PCDH19: variants seen among roughly 807,000 people sequenced by gnomAD.
PCDH19 encodes protocadherin-19.
Under a neutral mutation model 46.2 loss-of-function variants are expected in PCDH19, and 6 were observed. That is an observed-to-expected ratio of 0.13 (90% confidence interval 0.07 to 0.26). The LOEUF is 0.26. Ranked by LOEUF, PCDH19 falls within the 10% of genes least tolerant of loss-of-function variation. The probability of loss-of-function intolerance (pLI) is 1.00; values close to 1 mark genes in which losing one functional copy is unlikely to be tolerated. For synonymous variants in PCDH19, 481 were observed against 415.7 expected, an observed-to-expected ratio of 1.16 and a Z score of -1.91; for missense variants, 740 against 972.3, an observed-to-expected ratio of 0.76 and a Z score of 3.18.
chrX:100,345,714 ACGAGAAGTTGT>A (rs924086481), intron 4 of PCDH19, among the ~76,000 whole-genome samples: 1 of 111,990 alleles, frequency 8.9e-6, no homozygotes, highest in Non-Finnish European at 1.9e-5. Context: ...TAGTGTGAGC[ACGAGAAGTTGT>A]GTATTCTCAG....
At chrX:100,387,337 G>A (rs1224544148) in intron 3 of PCDH19, among the ~76,000 whole-genome samples, 1 of 111,698 alleles carries the variant, frequency 9.0e-6, no homozygotes, top group Non-Finnish European at 1.9e-5. Flanking sequence ...AGTGCATTTA[G>A]TCAAGGTTGA....
chrX:100,410,201 C>A lies in PCDH19; in HGVS notation c.-1604G>T. ...GGAGCTGTGCTGCCGTCTGTGCCCG[C>A]TCGTCCGTCTCCGCGCTGCGCCAGC... On this transcript the variant is annotated 5_prime_UTR_variant, in exon 1 of 6. Coordinates refer to ENST00000373034, the MANE Select transcript of PCDH19 (RefSeq NM_001184880.2). 1 of 296,783 alleles carries A rather than the reference C, an allele frequency of 3.4e-6. No homozygotes were observed. The highest frequency in any genetic ancestry group is 4.8e-5 in the East Asian group (1 of 20,943). 24.5% of individuals were successfully genotyped at this position (296,783 alleles called of 1,213,427 possible).
intron 5 of PCDH19, among the ~76,000 whole-genome samples, chrX:100,308,590 C>A (rs1014100540): frequency 3.6e-5 from 4 of 111,597 alleles, no homozygotes; most frequent in Admixed American, 2.8e-4. Context: ...AATAAACAGA[C>A]AACCCACAGA....
chrX:100,301,532 G>A (rs926525239), intron 5 of PCDH19, among the ~76,000 whole-genome samples: 4 of 112,334 alleles, frequency 3.6e-5, no homozygotes, highest in Non-Finnish European at 7.5e-5. Flanking sequence ...AGTGGCAGCA[G>A]TAGTAGAACC....
chrX:100,388,307 T>C (rs1178278125), intron 3 of PCDH19, among the ~76,000 whole-genome samples: 1 of 109,825 alleles, frequency 9.1e-6, no homozygotes, highest in Non-Finnish European at 1.9e-5. Flanking sequence ...AGTTAAACAA[T>C]TGGAATAATA....
intron 5 of PCDH19, among the ~76,000 whole-genome samples, chrX:100,300,913 CA>C (rs373692507): frequency 8.4e-5 from 7 of 83,284 alleles, no homozygotes; most frequent in African/African-American, 1.4e-4. Context: ...AACCCCTGGC[CA>C]AAAAAAAAAA....
intron 3 of PCDH19, among the ~76,000 whole-genome samples, chrX:100,352,253 A>G (rs1298397744): frequency 2.7e-5 from 3 of 112,243 alleles, no homozygotes; most frequent in African/African-American, 6.5e-5. Flanking sequence ...CACAAACAGG[A>G]ATAGGAGGCA....
At chrX:100,345,389 TCTC>T (rs1926368844) in intron 4 of PCDH19, among the ~76,000 whole-genome samples, 2 of 111,726 alleles carry the variant, frequency 1.8e-5, no homozygotes, top group South Asian at 3.8e-4. Flanking sequence ...AAATAATAGT[TCTC>T]CTGTCAAATG....
At chrX:100,308,871 A>T (rs1200703150) in intron 5 of PCDH19, among the ~76,000 whole-genome samples, 1 of 111,619 alleles carries the variant, frequency 9.0e-6, no homozygotes, top group Non-Finnish European at 1.9e-5. Context: ...TAAAAAAATA[A>T]TAAATGTTGG....
chrX:100,336,441 A>G (rs1926089543), intron 5 of PCDH19, among the ~76,000 whole-genome samples: 1 of 112,292 alleles, frequency 8.9e-6, no homozygotes, highest in Non-Finnish European at 1.9e-5. Context: ...TACGCAGCCT[A>G]CAGAACATTT....
intron 5 of PCDH19, among the ~76,000 whole-genome samples, chrX:100,336,340 G>A (rs1404057555): frequency 8.9e-6 from 1 of 112,156 alleles, no homozygotes; most frequent in East Asian, 2.8e-4. Flanking sequence ...TTCTTTAAAT[G>A]GCTAGAGGAA....
At chrX:100,393,316 G>A (rs55805304) in intron 3 of PCDH19, among the ~76,000 whole-genome samples, 2,866 of 110,691 alleles carry the variant, frequency 0.026, 48 homozygotes, top group Non-Finnish European at 0.038. Context: ...GAGTTGGGAA[G>A]GGGGCTCTGA....
intron 4 of PCDH19, among the ~76,000 whole-genome samples, chrX:100,342,368 C>T (rs910255555): frequency 8.9e-6 from 1 of 112,233 alleles, no homozygotes; most frequent in African/African-American, 3.2e-5. Flanking sequence ...TAAAGAATGT[C>T]ATCATTTCAG....
At chrX:100,399,064 T>C (rs1228343295) in intron 3 of PCDH19, among the ~76,000 whole-genome samples, 1 of 112,173 alleles carries the variant, frequency 8.9e-6, no homozygotes, top group Non-Finnish European at 1.9e-5. Flanking sequence ...CCCCGGGAAG[T>C]AGTACATTAT....
chrX:100,303,225 C>G (rs915207190), intron 5 of PCDH19, among the ~76,000 whole-genome samples: 3 of 108,841 alleles, frequency 2.8e-5, no homozygotes, highest in African/African-American at 1.0e-4. Context: ...AATCCCATCT[C>G]TGTAACTTAA....
At chrX:100,342,144 G>GAC in intron 4 of PCDH19, 69 bp from the exon 5 acceptor site, 1 of 986,956 alleles carries the variant, frequency 1.0e-6, no homozygotes, top group Non-Finnish European at 1.4e-6. Context: ...TCTGAGCCAG[G>GAC]ATGATGTCGG....
intron 5 of PCDH19, among the ~76,000 whole-genome samples, chrX:100,340,035 T>C (rs997366846): frequency 1.8e-5 from 2 of 111,359 alleles, no homozygotes; most frequent in African/African-American, 6.5e-5. Flanking sequence ...AGGACACAGA[T>C]GTAAAGTGAG....
At chrX:100,341,873 T>G in intron 5 of PCDH19, 30 bp downstream of exon 5, 1 of 1,194,303 alleles carries the variant, frequency 8.4e-7, no homozygotes, top group Non-Finnish European at 1.1e-6. Context: ...TGGAGTCGAT[T>G]GCTGCAACTT....
chrX:100,342,147 G>C, intron 4 of PCDH19, 72 bp from the exon 5 acceptor site: 2 of 982,276 alleles, frequency 2.0e-6, no homozygotes, highest in Non-Finnish European at 1.5e-6. Flanking sequence ...GAGCCAGGAT[G>C]ATGTCGGCTC....
Sources: allele counts gnomAD v4.1 joint callset (sites outside exome capture counted in the v4.1 genomes callset), GRCh38; gene constraint gnomAD v4.1.1; transcripts MANE v1.5; gene names NCBI Gene and HGNC (gene_info 2026-07-23, HGNC 2026-07-21).